The following CREM variants were observed in gnomAD, a reference collection of about 807,000 sequenced individuals.
CREM encodes the protein cAMP-responsive element modulator.
Under a neutral mutation model 37.3 loss-of-function variants are expected in CREM, and 13 were observed. The observed-to-expected ratio is 0.35, with a 90% CI of 0.23 to 0.55. The LOEUF is 0.55. Among genes scored for constraint, CREM ranks in the 20% least tolerant of loss-of-function variants. CREM has a pLI of 0.88. For synonymous variants in CREM, 124 were observed against 120.2 expected (o/e 1.03, Z -0.21); for missense variants, 296 against 362.3 (o/e 0.82, Z 1.49).
chr10:35,155,625 TC>T (rs1328348495), intron 3 of CREM, among the ~76,000 whole-genome samples: 98 of 37,978 alleles, frequency 2.6e-3, no homozygotes, highest in African/African-American at 5.1e-3. Flanking sequence ...TCTTTTCTTT[TC>T]TTTTCTTTTT....
intron 3 of CREM, chr10:35,154,259 T>C: frequency 2.6e-6 from 1 of 391,744 alleles, no homozygotes; most frequent in African/African-American, 2.1e-5. Flanking sequence ...TGGTCCCACA[T>C]AGGCCTAGGA....
At chr10:35,131,448 A>G (rs2135394483) in intron 1 of CREM, among the ~76,000 whole-genome samples, 1 of 152,232 alleles carries the variant, frequency 6.6e-6, no homozygotes, top group East Asian at 1.9e-4. Flanking sequence ...TTGATAGCAC[A>G]AAAAATGATT....
intron 5 of CREM, among the ~76,000 whole-genome samples, 159 bp from the exon 6 acceptor site, chr10:35,188,041 T>C (rs1417328940): frequency 4.6e-5 from 7 of 152,244 alleles, no homozygotes; most frequent in African/African-American, 1.7e-4. Flanking sequence ...TATCGTCCCA[T>C]GACGAAGCTG....
At chr10:35,159,210 A>G (rs2093135358) in intron 3 of CREM, among the ~76,000 whole-genome samples, 1 of 152,084 alleles carries the variant, frequency 6.6e-6, no homozygotes, top group Admixed American at 6.6e-5. Flanking sequence ...GAACTTAAGA[A>G]CTTGTTACAT....
chr10:35,135,723 A>G (rs1231430373), intron 1 of CREM, among the ~76,000 whole-genome samples: 6 of 3,478 alleles, frequency 1.7e-3, no homozygotes, highest in Admixed American at 5.7e-3. Context: ...TATTTCTGGA[A>G]AAAAAAAAAA....
At chr10:35,208,734 A>G (rs1357078211) in intron 7 of CREM, among the ~76,000 whole-genome samples, 2 of 152,230 alleles carry the variant, frequency 1.3e-5, no homozygotes, top group African/African-American at 2.4e-5. Context: ...GTCTGGCCCA[A>G]CTGCAAACCT....
chr10:35,162,041 T>C (rs889915315), intron 3 of CREM, among the ~76,000 whole-genome samples: 46 of 152,186 alleles, frequency 3.0e-4, no homozygotes, highest in Non-Finnish European at 1.0e-4. Flanking sequence ...CATCAGTGGA[T>C]GAATGGATAA....
chr10:35,153,922 T>C (rs1473993661), intron 3 of CREM: 1 of 391,034 alleles, frequency 2.6e-6, no homozygotes, highest in East Asian at 3.6e-5. Context: ...AGAAAGCCGC[T>C]AGGGAATGTT....
At chr10:35,145,993 G>A (rs2092068594) in intron 2 of CREM, among the ~76,000 whole-genome samples, 1 of 152,278 alleles carries the variant, frequency 6.6e-6, no homozygotes, top group East Asian at 1.9e-4. Context: ...TCTGATGCGA[G>A]TTGTCCAAGG....
chr10:35,139,093 G>A (rs1474994939), intron 2 of CREM, among the ~76,000 whole-genome samples: 1 of 151,484 alleles, frequency 6.6e-6, no homozygotes, highest in Non-Finnish European at 1.5e-5. Flanking sequence ...GCTATTATTA[G>A]TTGTTTGTAA....
intron 3 of CREM, among the ~76,000 whole-genome samples, chr10:35,151,389 T>TCACTATGTC (rs1437745223): frequency 1.3e-5 from 2 of 152,214 alleles, no homozygotes; most frequent in South Asian, 2.1e-4. Context: ...AGACAGAGTC[T>TCACTATGTC]CACTATGTCA....
intron 5 of CREM, among the ~76,000 whole-genome samples, chr10:35,186,728 A>G (rs2094568681): frequency 7.4e-6 from 1 of 135,440 alleles, no homozygotes; most frequent in African/African-American, 2.7e-5. Flanking sequence ...ATAACTATAT[A>G]TAATTATATA....
At position 35,211,621 on chromosome 10, in the gene CREM, T is replaced by A. The variant is rs377490542; in HGVS notation, c.*223T>A. ...CTGTTTGTCAATAGCATGCAAAAAA[T>A]GCTTTGTTTGCCCTTTGCTTCTGCT... On this transcript the variant is annotated 3_prime_UTR_variant, in exon 8 of 8. Transcript: ENST00000685392. The A allele has an allele frequency of 6.2e-7, 1 of 1,601,882 alleles. No individual in the cohort carries two copies. The highest frequency in any genetic ancestry group is 1.3e-5 in the African/African-American group (1 of 74,170).
At chr10:35,155,777 G>A (rs1294667775) in intron 3 of CREM, among the ~76,000 whole-genome samples, 1 of 151,820 alleles carries the variant, frequency 6.6e-6, no homozygotes, top group Non-Finnish European at 1.5e-5. Flanking sequence ...ACAGGCGCGT[G>A]CCACCACACC....
At chr10:35,188,145 A>T in intron 5 of CREM, 55 bp from the exon 6 acceptor site, 2 of 1,496,200 alleles carry the variant, frequency 1.3e-6, no homozygotes, top group South Asian at 2.5e-5. Context: ...CCAATAGGGG[A>T]TTATTAAAAA....
At chr10:35,136,211 T>A (rs2090489250) in intron 1 of CREM, among the ~76,000 whole-genome samples, 1 of 137,206 alleles carries the variant, frequency 7.3e-6, no homozygotes, top group Non-Finnish European at 1.6e-5. Flanking sequence ...AATAAAACAT[T>A]TCCAAGTGAA....
chr10:35,161,425 C>T lies in CREM; in HGVS notation c.168+12934C>T, dbSNP rs1182967105. ...CAGGAGAATTGCTTAAACCCAGAGG[C>T]GGAGGTTGCAGTGAGCCGAGATGGT... On this transcript the variant is annotated intron_variant, in intron 3 of 7. Transcript: ENST00000685392. Among the ~76,000 whole-genome samples, 6 of 150,386 alleles carry T rather than the reference C, an allele frequency of 4.0e-5. No individual in the cohort carries two copies. In the East Asian group the frequency reaches 1.0e-3, roughly 26 times the overall value.
intron 3 of CREM, among the ~76,000 whole-genome samples, chr10:35,157,505 C>T (rs956889819): frequency 6.6e-6 from 1 of 151,838 alleles, no homozygotes; most frequent in African/African-American, 2.4e-5. Flanking sequence ...CATGGTGGCA[C>T]ACACCTGTAA....
intron 3 of CREM, among the ~76,000 whole-genome samples, chr10:35,169,577 A>G (rs1438897698): frequency 6.6e-6 from 1 of 152,088 alleles, no homozygotes; most frequent in African/African-American, 2.4e-5. Context: ...CTAATTGAAT[A>G]CCCTTTATTT....
Sources: gnomAD v4.1 joint callset for allele counts (sites outside exome capture counted in the v4.1 genomes callset) on GRCh38, gnomAD v4.1.1 for gene constraint, MANE v1.5 for transcripts, NCBI Gene and HGNC (gene_info 2026-07-23, HGNC 2026-07-21) for gene names.